SGPP2: variants seen among roughly 807,000 people sequenced by gnomAD.
SGPP2 encodes sphingosine 1-phosphate phosphohydrolase 2.
In SGPP2, 30 loss-of-function variants were observed where a neutral mutation model predicts 33.9. The ratio of observed to expected loss-of-function variants is 0.89; its 90% CI spans 0.66 to 1.20. The LOEUF is 1.20. Ranked by LOEUF, SGPP2 falls within the 50% of genes most tolerant of loss-of-function variation. The pLI is 0.00. For synonymous variants in SGPP2, 233 were observed against 225.0 expected, an observed-to-expected ratio of 1.04 and a Z score of -0.32; for missense variants, 458 against 532.1, an observed-to-expected ratio of 0.86 and a Z score of 1.37.
intron 1 of SGPP2, among the ~76,000 whole-genome samples, chr2:222,467,964 A>C (rs1032827160): frequency 1.0e-3 from 121 of 116,912 alleles, no homozygotes; most frequent in Non-Finnish European, 1.4e-3. Context: ...AAAAAAAAAA[A>C]AAAAAAAAAA....
At chr2:222,449,443 G>A (rs550760493) in intron 1 of SGPP2, among the ~76,000 whole-genome samples, 1 of 151,742 alleles carries the variant, frequency 6.6e-6, no homozygotes, top group Non-Finnish European at 1.5e-5. Context: ...CCCATCCTAA[G>A]GATGCAGCCT....
At chr2:222,469,900 G>C (rs934155459) in intron 1 of SGPP2, among the ~76,000 whole-genome samples, 1 of 152,204 alleles carries the variant, frequency 6.6e-6, no homozygotes, top group Non-Finnish European at 1.5e-5. Context: ...TAAAGAAAAT[G>C]TGATACATAT....
At chr2:222,546,008 A>C (rs1689189314) in intron 4 of SGPP2, among the ~76,000 whole-genome samples, 1 of 152,380 alleles carries the variant, frequency 6.6e-6, no homozygotes, top group East Asian at 1.9e-4. Context: ...TCTGAAAATT[A>C]GCTAAAGGTC....
chr2:222,480,221 G>C (rs765635420), intron 2 of SGPP2, among the ~76,000 whole-genome samples: 5 of 152,132 alleles, frequency 3.3e-5, no homozygotes, highest in Non-Finnish European at 7.4e-5. Context: ...GAGGTATTTA[G>C]TTTTGTAACA....
chr2:222,425,694 A>C (rs545403817), intron 1 of SGPP2, among the ~76,000 whole-genome samples: 1 of 152,362 alleles, frequency 6.6e-6, no homozygotes, highest in East Asian at 1.9e-4. Flanking sequence ...AGTGTGGCGC[A>C]GGAGAACAGA....
At chr2:222,527,842 G>A (rs527701723) in intron 4 of SGPP2, among the ~76,000 whole-genome samples, 1 of 152,308 alleles carries the variant, frequency 6.6e-6, no homozygotes, top group Admixed American at 6.5e-5. Context: ...GTAGGATAAG[G>A]TAGAATTATG....
intron 1 of SGPP2, among the ~76,000 whole-genome samples, chr2:222,466,258 T>TA (rs1175816601): frequency 1.4e-5 from 2 of 145,654 alleles, no homozygotes; most frequent in African/African-American, 5.1e-5. Context: ...TTCAACTTTT[T>TA]TTTTTTTTTT....
chr2:222,555,364 A>G (rs1445466753), intron 4 of SGPP2, among the ~76,000 whole-genome samples: 2 of 151,074 alleles, frequency 1.3e-5, no homozygotes, highest in African/African-American at 2.4e-5. Context: ...TTTTCATATT[A>G]TAAGTAAGCT....
chr2:222,424,898 C>G, intron 1 of SGPP2, 77 bp downstream of exon 1: 2 of 1,155,004 alleles, frequency 1.7e-6, no homozygotes. Flanking sequence ...CTCCGCCACG[C>G]GGGGCCGGCC....
intron 1 of SGPP2, among the ~76,000 whole-genome samples, chr2:222,444,512 C>A (rs1697371364): frequency 6.6e-6 from 1 of 152,226 alleles, no homozygotes; most frequent in Non-Finnish European, 1.5e-5. Context: ...ACTGTGAACC[C>A]TCTGGGGTGG....
chr2:222,476,315 T>G lies in SGPP2; in HGVS notation c.378+1589T>G, dbSNP rs1456100317. On this transcript the variant is annotated intron_variant, in intron 2 of 4. Transcript: ENST00000321276. The surrounding 1 kb of genome is among the most constrained non-coding windows in gnomAD (Gnocchi z 4.3). ...CAATGTCCTGGGCCAGGGTGAGGGGTGGCAAGGGCGGGGTATCCACACAAA... is the reference window on the plus strand; with the variant it reads ...CAATGTCCTGGGCCAGGGTGAGGGGGGGCAAGGGCGGGGTATCCACACAAA... Among the ~76,000 whole-genome samples, 2 of 151,712 alleles carry G rather than the reference T, an allele frequency of 1.3e-5. No homozygotes were observed.
chr2:222,543,834 C>G (rs1212042448), intron 4 of SGPP2, among the ~76,000 whole-genome samples: 1 of 152,142 alleles, frequency 6.6e-6, no homozygotes, highest in Non-Finnish European at 1.5e-5. Flanking sequence ...CTTGTATTCT[C>G]ATATAAATTT....
chr2:222,489,420 A>T (rs1330419857), intron 2 of SGPP2, among the ~76,000 whole-genome samples: 5 of 152,160 alleles, frequency 3.3e-5, no homozygotes, highest in African/African-American at 1.2e-4. Flanking sequence ...TTAAGAAAAA[A>T]AAAAAAAGAT....
At chr2:222,513,493 G>T (rs529698603) in intron 2 of SGPP2, among the ~76,000 whole-genome samples, 1 of 152,216 alleles carries the variant, frequency 6.6e-6, no homozygotes, top group African/African-American at 2.4e-5. Flanking sequence ...ATTTACTGTG[G>T]TTGGTTAAGT....
At chr2:222,430,567 C>T (rs1697138632) in intron 1 of SGPP2, among the ~76,000 whole-genome samples, 1 of 152,184 alleles carries the variant, frequency 6.6e-6, no homozygotes, top group Non-Finnish European at 1.5e-5. Context: ...GATCCTCCTG[C>T]CTTGGCCTCC....
intron 2 of SGPP2, among the ~76,000 whole-genome samples, chr2:222,480,543 C>T (rs879635215): frequency 6.6e-5 from 10 of 152,222 alleles, no homozygotes; most frequent in Non-Finnish European, 1.0e-4. Flanking sequence ...TGAGCTTTGT[C>T]TTGACCGACC....
At chr2:222,448,216 A>G (rs376311165) in intron 1 of SGPP2, among the ~76,000 whole-genome samples, 10 of 152,244 alleles carry the variant, frequency 6.6e-5, no homozygotes, top group East Asian at 5.8e-4. Flanking sequence ...GCTCTGTACC[A>G]TAAAGCTCTT....
intron 2 of SGPP2, among the ~76,000 whole-genome samples, chr2:222,502,026 G>C (rs1698375110): frequency 1.3e-5 from 2 of 152,178 alleles, no homozygotes; most frequent in African/African-American, 4.8e-5. Flanking sequence ...AGTCTGGACA[G>C]ATATTCCTTA....
chr2:222,480,454 CA>C (rs1163455054), intron 2 of SGPP2, among the ~76,000 whole-genome samples: 3 of 152,116 alleles, frequency 2.0e-5, no homozygotes, highest in Non-Finnish European at 4.4e-5. Context: ...AAGGAGAGCA[CA>C]GATACAATAG....
Sources: gnomAD v4.1 joint callset for allele counts (sites outside exome capture counted in the v4.1 genomes callset) on GRCh38, gnomAD v4.1.1 for gene constraint, Gnocchi (gnomAD v3.1) non-coding constraint, MANE v1.5 for transcripts, NCBI Gene and HGNC (gene_info 2026-07-23, HGNC 2026-07-21) for gene names.